The following TET3 variants were observed in gnomAD, a reference collection of about 807,000 sequenced individuals.
TET3 encodes tet methylcytosine dioxygenase 3, also known as methylcytosine dioxygenase TET3.
A neutral mutation model predicts 141.4 loss-of-function variants in TET3; 19 were observed. That is an observed-to-expected ratio of 0.13 (90% confidence interval 0.09 to 0.20). The LOEUF (loss-of-function observed/expected upper bound fraction) is 0.20, where lower values mean the gene tolerates loss of function less well. Ranked by LOEUF, TET3 falls within the 10% of genes least tolerant of loss-of-function variation. TET3 has a pLI of 1.00. For synonymous variants in TET3, 1,043 were observed against 980.9 expected (o/e 1.06, Z -1.18); for missense variants, 1,874 against 2,356.9 (o/e 0.80, Z 4.24).
chr2:74,089,782 C>G, intron 7 of TET3, 115 bp from the exon 8 acceptor site: 2 of 1,379,952 alleles, frequency 1.4e-6, no homozygotes, highest in Non-Finnish European at 2.0e-6. Context: ...GAGTCTCAGT[C>G]ACTGGGAGGC....
At chr2:74,081,890 CACTT>C (rs1689850046) in intron 6 of TET3, among the ~76,000 whole-genome samples, 1 of 152,204 alleles carries the variant, frequency 6.6e-6, no homozygotes, top group African/African-American at 2.4e-5. Flanking sequence ...AATCTGGAAT[CACTT>C]AGTGTATTCA....
At chr2:74,042,073 G>A (rs553977546) in intron 3 of TET3, among the ~76,000 whole-genome samples, 43 of 152,264 alleles carry the variant, frequency 2.8e-4, no homozygotes, top group African/African-American at 9.6e-4. Flanking sequence ...GAGCCCTGTG[G>A]CAGACCACTA....
Position 74,108,059 on chromosome 2 carries a change from G to C in TET3, c.*5883G>C, listed in dbSNP as rs1207822355. ...GAAATTGCAAGTATGTATCCTTTTT[G>C]ATTTGTATTTTATTATAATTTACAC... On this transcript the variant is annotated 3_prime_UTR_variant, in exon 12 of 12. Transcript: ENST00000409262. 6.5e-6 allele frequency: 1 copy of C among 153,572 alleles called. No homozygotes were observed. The highest frequency in any genetic ancestry group is 1.5e-5 in the Non-Finnish European group (1 of 68,012). 9.5% of individuals were successfully genotyped at this position (153,572 alleles called of 1,614,324 possible).
In TET3 at chr2:74,048,448, G is replaced by A. The variant is rs757779077; in HGVS notation, c.2494+37G>A. 5 of 1,561,028 alleles carry A rather than the reference G, an allele frequency of 3.2e-6. No individual in the cohort carries two copies. In the Admixed American group the frequency reaches 5.7e-5, roughly 18 times the overall value. ...TGGGTATCAGGGAAGGGCAGAGAAA[G>A]GGCTGTGGCCTGGTGAGCTAGGATT... is the stretch of plus-strand genomic sequence containing the variant. On this transcript the variant is annotated intron_variant, in intron 4 of 11. Coordinates refer to ENST00000409262, the MANE Select transcript of TET3 (RefSeq NM_001287491.2).
At chr2:74,064,214 C>T (rs1688755547) in intron 4 of TET3, among the ~76,000 whole-genome samples, 1 of 151,200 alleles carries the variant, frequency 6.6e-6, no homozygotes, top group Admixed American at 6.6e-5. Flanking sequence ...ATTATGGCAC[C>T]CGTATACACG....
the TET3 span, among the ~76,000 whole-genome samples, chr2:74,127,106 A>ATGAGC: frequency 6.6e-6 from 1 of 152,178 alleles, no homozygotes; most frequent in Non-Finnish European, 1.5e-5. Context: ...AGGTAGAAAA[A>ATGAGC]TGAGCTGCTT....
rs202078503 is a variant in TET3, at chr2:74,047,047, C to A, written c.1130C>A (p.Thr377Asn). 1 of 1,613,950 alleles carries A rather than the reference C, an allele frequency of 6.2e-7. No individual in the cohort carries two copies. The highest frequency in any genetic ancestry group is 1.3e-5 in the African/African-American group (1 of 75,056). ...SSALPQPSHSTPQASCPLPEA... is the reference protein window; with the variant it reads ...SSALPQPSHSNPQASCPLPEA... ...GCCCTCCCGCAGCCTTCTCATTCCACCCCCCAGGCTTCTTGCCCCCTTCCT... is the reference window on the plus strand; with the variant it reads ...GCCCTCCCGCAGCCTTCTCATTCCAACCCCCAGGCTTCTTGCCCCCTTCCT... Residue 377 changes from threonine to asparagine, a missense_variant, in exon 4 of 12, where the codon ACC (threonine) becomes AAC (asparagine). Physicochemically the swap from Thr to Asn is moderately conservative, Grantham distance 65. Coordinates refer to ENST00000409262, the MANE Select transcript of TET3 (RefSeq NM_001287491.2).
chr2:74,078,118 TG>T (rs1203189485), intron 5 of TET3, among the ~76,000 whole-genome samples: 2 of 152,186 alleles, frequency 1.3e-5, no homozygotes, highest in Non-Finnish European at 2.9e-5. Context: ...ATAGAGAACA[TG>T]GAACTCAGAG....
intron 3 of TET3, among the ~76,000 whole-genome samples, chr2:74,018,887 A>C (rs979072505): frequency 6.6e-6 from 1 of 152,168 alleles, no homozygotes; most frequent in Non-Finnish European, 1.5e-5. Flanking sequence ...CTTTACAATG[A>C]ATCTTCCTAT....
At chr2:74,133,989 C>G in the TET3 span, among the ~76,000 whole-genome samples, 3 of 152,104 alleles carry the variant, frequency 2.0e-5, no homozygotes, top group African/African-American at 7.2e-5. Context: ...GTGATCCCCC[C>G]CCCTCGGCCT....
In TET3 at chr2:74,105,610, G is replaced by T. The variant is rs1691448719; in HGVS notation, c.*3434G>T. 1 of 386,858 alleles carries T rather than the reference G, an allele frequency of 2.6e-6. No homozygotes were observed. The highest frequency in any genetic ancestry group is 4.6e-6 in the Non-Finnish European group (1 of 218,364). The allele number at this position is 386,858 out of a possible 1,614,324, so 24.0% of individuals were successfully genotyped here. A position where few individuals can be genotyped will look rare whatever the true frequency, so the allele number is the denominator to read the frequency against. On this transcript the variant is annotated 3_prime_UTR_variant, in exon 12 of 12. Coordinates refer to ENST00000409262, the MANE Select transcript of TET3 (RefSeq NM_001287491.2). ...AAGGTGACGATGGTGTGCGTGGAAA[G>T]AGATGATACCCCACCGCCCCCTCTT...
chr2:74,112,036 T>C (rs1369121222), downstream of TET3, among the ~76,000 whole-genome samples: 1 of 152,178 alleles, frequency 6.6e-6, no homozygotes, highest in African/African-American at 2.4e-5. Flanking sequence ...TAGCCCCCAT[T>C]TGATCTCCCT....
intron 4 of TET3, among the ~76,000 whole-genome samples, chr2:74,072,557 A>G (rs1227045464): frequency 6.6e-6 from 1 of 152,106 alleles, no homozygotes; most frequent in East Asian, 1.9e-4. Context: ...ATATTGTAGC[A>G]TGTATCAGAA....
At chr2:74,085,760 G>A (rs1466043156) in intron 6 of TET3, among the ~76,000 whole-genome samples, 1 of 152,202 alleles carries the variant, frequency 6.6e-6, no homozygotes, top group East Asian at 1.9e-4. Context: ...CACAGACCCA[G>A]TACAGGTCCG....
At chr2:74,043,038 C>T (rs1687427804) in intron 3 of TET3, among the ~76,000 whole-genome samples, 1 of 152,174 alleles carries the variant, frequency 6.6e-6, no homozygotes, top group Non-Finnish European at 1.5e-5. Flanking sequence ...TTTTAAATCC[C>T]TTTTAGTTGT....
At position 74,093,961 on chromosome 2, in the gene TET3, T is replaced by C. The variant is rs1008635058; in HGVS notation, c.3267+295T>C. Among the ~76,000 whole-genome samples, 3 of 152,348 alleles carry C rather than the reference T, an allele frequency of 2.0e-5. No individual in the cohort carries two copies. In the South Asian group the frequency reaches 6.2e-4, roughly 32 times the overall value. ...GTTATCTAAAGCGTGGGCCCCGGTC[T>C]CTGTGGACACTTGGATTTAAATGCA... is the stretch of plus-strand genomic sequence containing the variant. On this transcript the variant is annotated intron_variant, in intron 10 of 11. Transcript: ENST00000409262. The surrounding 1 kb of genome is among the most constrained non-coding windows in gnomAD (Gnocchi z 4.2).
At chr2:74,118,308 CAAG>C in the TET3 span, among the ~76,000 whole-genome samples, 1 of 152,138 alleles carries the variant, frequency 6.6e-6, no homozygotes, top group Non-Finnish European at 1.5e-5. Flanking sequence ...CATGACATTA[CAAG>C]AACAAGTTGA....
chr2:74,082,115 T>C (rs1453758871), intron 6 of TET3, among the ~76,000 whole-genome samples: 1 of 152,198 alleles, frequency 6.6e-6, no homozygotes, highest in Non-Finnish European at 1.5e-5. Flanking sequence ...ATGAAGATCT[T>C]GGAGCATAGG....
the TET3 span, among the ~76,000 whole-genome samples, chr2:74,128,390 C>T: frequency 5.3e-5 from 8 of 152,062 alleles, no homozygotes; most frequent in African/African-American, 9.7e-5. Flanking sequence ...TAAGGAAAAT[C>T]GGAGAAACTG....
Sources: allele counts gnomAD v4.1 joint callset (sites outside exome capture counted in the v4.1 genomes callset), GRCh38; gene constraint gnomAD v4.1.1; non-coding constraint Gnocchi (gnomAD v3.1); transcripts MANE v1.5; gene names NCBI Gene and HGNC (gene_info 2026-07-23, HGNC 2026-07-21).